TENM3: variants seen among roughly 807,000 people sequenced by gnomAD.
The protein encoded by TENM3 is teneurin transmembrane protein 3.
TENM3 carries 63 observed loss-of-function variants against 255.1 expected under a neutral mutation model. The ratio of observed to expected loss-of-function variants is 0.25; its 90% CI spans 0.20 to 0.30. The LOEUF (loss-of-function observed/expected upper bound fraction) is 0.30. Ranked by LOEUF, TENM3 falls within the 10% of genes least tolerant of loss-of-function variation. The probability of loss-of-function intolerance (pLI) is 1.00; values close to 1 mark genes in which losing one functional copy is unlikely to be tolerated. For missense variants in TENM3, 2,929 were observed against 3,461.1 expected (o/e 0.85, Z 3.86); for synonymous variants, 1,306 against 1,322.3 (o/e 0.99, Z 0.27).
chr4:182,600,264 G>A (rs1193677497), intron 3 of TENM3, among the ~76,000 whole-genome samples: 1 of 152,134 alleles, frequency 6.6e-6, no homozygotes, highest in Admixed American at 6.5e-5. Flanking sequence ...AAGTATATGA[G>A]TCTTCTGACG....
chr4:181,883,660 G>C, the TENM3 span, among the ~76,000 whole-genome samples: 1 of 152,068 alleles, frequency 6.6e-6, no homozygotes, highest in African/African-American at 2.4e-5. Flanking sequence ...ATTTTTAGTA[G>C]AGACGGGGTT....
At chr4:182,435,084 A>T (rs1281573797) in intron 3 of TENM3, among the ~76,000 whole-genome samples, 1 of 152,194 alleles carries the variant, frequency 6.6e-6, no homozygotes, top group African/African-American at 2.4e-5. Flanking sequence ...AGTCAAACAC[A>T]TCGAGAATGC....
At position 182,530,529 on chromosome 4, in the gene TENM3, C is replaced by A. The variant is rs561854198; in HGVS notation, c.512-70395C>A. Among the ~76,000 whole-genome samples, 19 of 152,220 alleles carry A rather than the reference C, an allele frequency of 1.2e-4. 1 individual carries two copies. The South Asian group carries it at 4.0e-3, about 32-fold the overall frequency. On this transcript the variant is annotated intron_variant, in intron 3 of 27. Coordinates refer to ENST00000511685, the MANE Select transcript of TENM3 (RefSeq NM_001080477.4). ...CCTCGTCTTAGTACTAGCGACATTT[C>A]GAGCCCACAGGTATTTATTGTGGGG...
intron 1 of TENM3, among the ~76,000 whole-genome samples, chr4:182,306,691 T>C (rs1762153455): frequency 6.6e-6 from 1 of 152,150 alleles, no homozygotes; most frequent in Admixed American, 6.6e-5. Context: ...TAATGGTAGA[T>C]TGTGTCAAGA....
At chr4:181,712,261 G>A in the TENM3 span, among the ~76,000 whole-genome samples, 31 of 152,124 alleles carry the variant, frequency 2.0e-4, no homozygotes, top group Non-Finnish European at 2.9e-5. Flanking sequence ...CCCTGATGTT[G>A]GAGGTGGATC....
chr4:181,639,189 T>C, the TENM3 span, among the ~76,000 whole-genome samples: 1 of 152,286 alleles, frequency 6.6e-6, no homozygotes, highest in African/African-American at 2.4e-5. Flanking sequence ...AATGATGGAC[T>C]AAGAAATGAA....
the TENM3 span, among the ~76,000 whole-genome samples, chr4:181,883,616 A>G: frequency 6.6e-6 from 1 of 152,110 alleles, no homozygotes; most frequent in Admixed American, 6.5e-5. Flanking sequence ...CTGGGACTAC[A>G]GGCGCCCGCC....
chr4:182,753,313 C>G, intron 20 of TENM3, 137 bp from the exon 21 acceptor site: 1 of 646,910 alleles, frequency 1.5e-6, no homozygotes, highest in East Asian at 2.7e-5. Context: ...AACGTGTTTG[C>G]AATCTGCAGT....
chr4:182,788,939 G>T (rs1193701544), intron 24 of TENM3, among the ~76,000 whole-genome samples, 154 bp from the exon 25 acceptor site: 1 of 152,200 alleles, frequency 6.6e-6, no homozygotes, highest in East Asian at 1.9e-4. Flanking sequence ...TAAAAGAGCA[G>T]TTAATCTACT....
intron 1 of TENM3, among the ~76,000 whole-genome samples, chr4:182,156,801 A>G (rs1324007846): frequency 6.6e-6 from 1 of 152,060 alleles, no homozygotes; most frequent in Non-Finnish European, 1.5e-5. Flanking sequence ...TTCTCCCTCA[A>G]TTCACTCAAA....
intron 1 of TENM3, among the ~76,000 whole-genome samples, chr4:182,286,773 C>T (rs59317924): frequency 0.038 from 5,799 of 152,202 alleles, 234 homozygotes; most frequent in African/African-American, 0.088. Flanking sequence ...GGACTATTAC[C>T]GAAGACTCTG....
the TENM3 span, among the ~76,000 whole-genome samples, chr4:181,841,839 C>A: frequency 1.3e-5 from 2 of 152,080 alleles, no homozygotes; most frequent in African/African-American, 4.8e-5. Flanking sequence ...TGGAAAGAAT[C>A]CAAACACTGA....
chr4:181,686,143 C>T, the TENM3 span, among the ~76,000 whole-genome samples: 11 of 152,114 alleles, frequency 7.2e-5, no homozygotes, highest in African/African-American at 2.7e-4. Flanking sequence ...ATGACTACAA[C>T]ATCTACAGTT....
Position 182,800,284 on chromosome 4 carries a change from A to C in TENM3, c.8033A>C (p.Tyr2678Ser). The change falls in exon 28 of 28, where the codon TAC becomes TCC. Residue 2678 changes from tyrosine to serine, a missense_variant. Tyr to Ser is a moderately radical substitution (Grantham distance 144). This residue lies in a region of TENM3 where 476 missense variants were observed against 480.1 expected (regional missense o/e 0.99). Transcript: ENST00000511685. Reference sequence around the variant, plus strand: ...TACTACGTACTCTCGGTGGAGCAGTACCCCGAGCTGGCCGACAGCGCCAAC... The same window carrying C: ...TACTACGTACTCTCGGTGGAGCAGTCCCCCGAGCTGGCCGACAGCGCCAAC... ...DGYYVLSVEQ[Y>S]PELADSANNI... 1 of 1,580,544 alleles carries C rather than the reference A, an allele frequency of 6.3e-7. No individual in the cohort carries two copies.
At chr4:181,480,969 A>T in the TENM3 span, among the ~76,000 whole-genome samples, 1 of 151,664 alleles carries the variant, frequency 6.6e-6, no homozygotes, top group Non-Finnish European at 1.5e-5. Flanking sequence ...ACTGAAAATG[A>T]ATATGGAGAT....
At chr4:181,955,086 A>G in the TENM3 span, among the ~76,000 whole-genome samples, 1 of 152,176 alleles carries the variant, frequency 6.6e-6, no homozygotes, top group Non-Finnish European at 1.5e-5. Context: ...ATTACATAAG[A>G]CTTTTTAAAA....
the TENM3 span, among the ~76,000 whole-genome samples, chr4:181,623,830 T>C: frequency 6.6e-6 from 1 of 152,218 alleles, no homozygotes; most frequent in African/African-American, 2.4e-5. Flanking sequence ...CAATTTTATG[T>C]TTGAGACACA....
the TENM3 span, among the ~76,000 whole-genome samples, chr4:182,015,772 G>A: frequency 1.4e-4 from 21 of 152,042 alleles, no homozygotes; most frequent in East Asian, 3.5e-3. Flanking sequence ...TGTTGGCCAG[G>A]CTGGTCTCGA....
chr4:181,953,876 C>G, the TENM3 span, among the ~76,000 whole-genome samples: 1 of 151,894 alleles, frequency 6.6e-6, no homozygotes, highest in African/African-American at 2.4e-5. Flanking sequence ...AATCCAGTAC[C>G]ACAATCAAAG....
Sources: allele counts gnomAD v4.1 joint callset (sites outside exome capture counted in the v4.1 genomes callset), GRCh38; gene constraint gnomAD v4.1.1; regional missense constraint gnomAD v4.1.1; transcripts MANE v1.5; gene names NCBI Gene and HGNC (gene_info 2026-07-23, HGNC 2026-07-21).